Variants in DPP10 observed in about 807,000 individuals in gnomAD.
DPP10 encodes inactive dipeptidyl peptidase 10.
In DPP10, 33 loss-of-function variants were observed where a neutral mutation model predicts 120.9. That is an observed-to-expected ratio of 0.27 (90% CI 0.21 to 0.37). The LOEUF is 0.37. DPP10 is among the 10% of genes least tolerant of loss of function. The pLI is 1.00. For missense variants in DPP10, 816 were observed against 942.8 expected (o/e 0.87, Z 1.76); for synonymous variants, 337 against 326.1 (o/e 1.03, Z -0.36).
intron 5 of DPP10, among the ~76,000 whole-genome samples, chr2:115,608,178 AG>A (rs2083832850): frequency 6.6e-6 from 1 of 152,080 alleles, no homozygotes; most frequent in African/African-American, 2.4e-5. Context: ...ACTTGAGGTC[AG>A]GAGTTTAAGA....
intron 5 of DPP10, among the ~76,000 whole-genome samples, chr2:115,535,478 G>A (rs1369696443): frequency 6.6e-6 from 1 of 151,834 alleles, no homozygotes; most frequent in East Asian, 1.9e-4. Context: ...CTATATCTCT[G>A]TTTTGGTACC....
intron 1 of DPP10, among the ~76,000 whole-genome samples, chr2:115,046,777 T>C (rs923138916): frequency 6.6e-6 from 1 of 152,014 alleles, no homozygotes. Context: ...AATAATTTAT[T>C]AATAATATTA....
At chr2:115,620,679 T>C (rs113684058) in intron 5 of DPP10, among the ~76,000 whole-genome samples, 9,757 of 152,298 alleles carry the variant, frequency 0.064, 418 homozygotes, top group Middle Eastern at 0.12. Context: ...GGGTACAAGA[T>C]TAGTAATATC....
At chr2:115,309,625 TTAC>T (rs1403319127) in intron 2 of DPP10, among the ~76,000 whole-genome samples, 1 of 152,096 alleles carries the variant, frequency 6.6e-6, no homozygotes, top group Non-Finnish European at 1.5e-5. Flanking sequence ...ACTTACAGAC[TTAC>T]TATGTGTTAG....
At chr2:114,717,312 G>A (rs1248513276) in intron 1 of DPP10, among the ~76,000 whole-genome samples, 1 of 152,154 alleles carries the variant, frequency 6.6e-6, no homozygotes, top group Non-Finnish European at 1.5e-5. Flanking sequence ...ATTGATCTAT[G>A]TGTCACAAAA....
At chr2:115,457,318 GAC>G (rs1162574675) in intron 3 of DPP10, among the ~76,000 whole-genome samples, 1 of 151,878 alleles carries the variant, frequency 6.6e-6, no homozygotes, top group Admixed American at 6.6e-5. Flanking sequence ...TTTAGAAAAA[GAC>G]TACCAGATAA....
At chr2:115,553,188 A>C (rs534292250) in intron 5 of DPP10, among the ~76,000 whole-genome samples, 1 of 152,234 alleles carries the variant, frequency 6.6e-6, no homozygotes, top group African/African-American at 2.4e-5. Context: ...GCAAGTCTAC[A>C]GTCATTTGAC....
chr2:115,343,922 T>C lies in DPP10; in HGVS notation c.271+10T>C. 1 of 1,586,332 alleles carries C rather than the reference T, an allele frequency of 6.3e-7. No individual in the cohort carries two copies. ...GCTCGGTGGATCAATGGTAAGTGTA[T>C]ACCTTTTTAAACATTGTATTCATTT... On this transcript the variant is annotated intron_variant, in intron 3 of 25. Coordinates refer to ENST00000410059, the MANE Select transcript of DPP10 (RefSeq NM_020868.6).
intron 1 of DPP10, among the ~76,000 whole-genome samples, chr2:114,949,750 G>A (rs1340308406): frequency 6.6e-6 from 1 of 152,160 alleles, no homozygotes; most frequent in Non-Finnish European, 1.5e-5. Context: ...ATTGAAAGAG[G>A]CATCACTTCA....
intron 1 of DPP10, among the ~76,000 whole-genome samples, chr2:114,548,197 A>T (rs901678101): frequency 2.6e-5 from 4 of 152,198 alleles, no homozygotes; most frequent in Admixed American, 6.5e-5. Flanking sequence ...TACCGTTAAG[A>T]TGATTCATCT....
At position 114,679,386 on chromosome 2, in the gene DPP10, T is replaced by C. The variant is rs533736391; in HGVS notation, c.60+236548T>C. Reference sequence around the variant, plus strand: ...ATAAAAGACCCTGCTGTTATTGTAATGGCACAAACTGGTATGCATTAGGCC... The same window carrying C: ...ATAAAAGACCCTGCTGTTATTGTAACGGCACAAACTGGTATGCATTAGGCC... On this transcript the variant is annotated intron_variant, in intron 1 of 25. Transcript: ENST00000410059. 7.2e-5 allele frequency among the ~76,000 whole-genome samples: 11 copies of C among 152,176 alleles called. No individual in the cohort carries two copies. In the East Asian group the frequency reaches 2.1e-3, roughly 30 times the overall value.
At chr2:114,729,107 A>G (rs1360484462) in intron 1 of DPP10, among the ~76,000 whole-genome samples, 1 of 152,268 alleles carries the variant, frequency 6.6e-6, no homozygotes, top group African/African-American at 2.4e-5. Flanking sequence ...ACAAGAAACA[A>G]TAAGTGGCAT....
intron 5 of DPP10, among the ~76,000 whole-genome samples, chr2:115,537,528 T>C (rs2078924883): frequency 6.6e-6 from 1 of 151,708 alleles, no homozygotes; most frequent in Admixed American, 6.6e-5. Context: ...GAAAACATAG[T>C]TATTGCACCC....
At chr2:115,447,879 C>G (rs1400664) in intron 3 of DPP10, among the ~76,000 whole-genome samples, 84 of 152,268 alleles carry the variant, frequency 5.5e-4, no homozygotes, top group African/African-American at 2.0e-3. Context: ...CAACCAACAA[C>G]AGATTCTTGG....
chr2:114,840,270 A>G (rs1194307747), intron 1 of DPP10, among the ~76,000 whole-genome samples: 2 of 152,176 alleles, frequency 1.3e-5, no homozygotes, highest in African/African-American at 4.8e-5. Context: ...AATGAGAACA[A>G]TGTTTGAAAG....
At chr2:115,783,848 A>G (rs768920892) in intron 17 of DPP10, among the ~76,000 whole-genome samples, 3 of 152,170 alleles carry the variant, frequency 2.0e-5, no homozygotes, top group Non-Finnish European at 4.4e-5. Flanking sequence ...GTGCGTTAAC[A>G]TCTCAAAACA....
chr2:115,766,403 A>C (rs1680768465), intron 12 of DPP10, among the ~76,000 whole-genome samples: 1 of 145,986 alleles, frequency 6.8e-6, no homozygotes, highest in Middle Eastern at 3.5e-3. Context: ...AATGGAAAAA[A>C]CCTCAATTAA....
At chr2:115,750,580 G>A (rs772294840) in intron 10 of DPP10, among the ~76,000 whole-genome samples, 7 of 152,160 alleles carry the variant, frequency 4.6e-5, no homozygotes, top group Non-Finnish European at 7.3e-5. Flanking sequence ...GCTTATGACC[G>A]TAAGCCACAT....
At chr2:114,543,863 G>A (rs1046686508) in intron 1 of DPP10, among the ~76,000 whole-genome samples, 2 of 100,702 alleles carry the variant, frequency 2.0e-5, no homozygotes, top group Non-Finnish European at 2.0e-5. Flanking sequence ...TTTGAATGTA[G>A]CTTGTTTTTT....
Sources: allele counts gnomAD v4.1 joint callset (sites outside exome capture counted in the v4.1 genomes callset), GRCh38; gene constraint gnomAD v4.1.1; transcripts MANE v1.5; gene names NCBI Gene and HGNC (gene_info 2026-07-23, HGNC 2026-07-21).